SOCS6: variants seen among roughly 807,000 people sequenced by gnomAD.
SOCS6 encodes the protein STAT induced STAT inhibitor-4.
In SOCS6, 5 loss-of-function variants were observed where a neutral mutation model predicts 27.7. The ratio of observed to expected loss-of-function variants is 0.18; its 90% CI spans 0.09 to 0.38. The LOEUF is 0.38. SOCS6 is among the 10% of genes least tolerant of loss of function. The pLI is 1.00. For synonymous variants in SOCS6, 271 were observed against 260.0 expected (o/e 1.04, Z -0.41); for missense variants, 595 against 688.1 (o/e 0.86, Z 1.51).
At position 70,324,592 on chromosome 18, in the gene SOCS6, C is replaced by T; in HGVS notation, c.-77C>T. On this transcript the variant is annotated 5_prime_UTR_variant, in exon 2 of 2. Coordinates refer to ENST00000397942, the MANE Select transcript of SOCS6 (RefSeq NM_004232.4). ...AGCAGGAAAAATACATAGATGCAGC[C>T]TTGCAGCCTCTCCAGATGTTTGGGG... The T allele has an allele frequency of 1.0e-6, 1 of 989,890 alleles. No individual in the cohort carries two copies. Among genetic ancestry groups the T allele is most frequent in the Non-Finnish European group, 1.5e-6 (1 of 661,454 alleles). 61.3% of individuals were successfully genotyped at this position (989,890 alleles called of 1,614,324 possible). A position where few individuals can be genotyped will look rare whatever the true frequency, so the allele number is the denominator to read the frequency against.
At chr18:70,321,375 C>T (rs1420201148) in intron 1 of SOCS6, among the ~76,000 whole-genome samples, 1 of 121,092 alleles carries the variant, frequency 8.3e-6, no homozygotes, top group African/African-American at 3.1e-5. Flanking sequence ...GGCTGGAGTG[C>T]AGTGGCGCAA....
In SOCS6 at chr18:70,326,327, A is replaced by C. The variant is rs1184686871; in HGVS notation, c.*51A>C. On this transcript the variant is annotated 3_prime_UTR_variant, in exon 2 of 2. Coordinates refer to ENST00000397942, the MANE Select transcript of SOCS6 (RefSeq NM_004232.4). ...CTTTGGGAATAAGAACAAGAGATTG[A>C]AATACAGTTTACAAACTTTCATTGC... is the stretch of plus-strand genomic sequence containing the variant. The C allele has an allele frequency of 1.4e-6, 2 of 1,445,872 alleles. No homozygotes were observed. The highest frequency in any genetic ancestry group is 1.4e-5 in the African/African-American group (1 of 70,310). The allele number at this position is 1,445,872 out of a possible 1,614,324, so 89.6% of individuals were successfully genotyped here.
At position 70,327,172 on chromosome 18, in the gene SOCS6, T is replaced by G. The variant is rs934485926; in HGVS notation, c.*896T>G. On this transcript the variant is annotated 3_prime_UTR_variant, in exon 2 of 2. Coordinates refer to ENST00000397942, the MANE Select transcript of SOCS6 (RefSeq NM_004232.4). ...TTACCTATCCTTTTGGTAAAATGTT[T>G]TATCTGTGATTTCTTTAGCTTAGTC... The G allele has an allele frequency of 6.0e-6, 1 of 167,010 alleles. No homozygotes were observed. The highest frequency in any genetic ancestry group is 2.4e-5 in the African/African-American group (1 of 41,452). 10.3% of individuals were successfully genotyped at this position (167,010 alleles called of 1,614,324 possible).
chr18:70,301,110 C>T (rs2062346443), intron 1 of SOCS6, among the ~76,000 whole-genome samples: 1 of 152,130 alleles, frequency 6.6e-6, no homozygotes, highest in Admixed American at 6.6e-5. Flanking sequence ...AAGGCAGGCT[C>T]ACCAGTTAGC....
chr18:70,329,940 C>T lies in SOCS6; in HGVS notation c.*3664C>T, dbSNP rs977903345. On this transcript the variant is annotated 3_prime_UTR_variant, in exon 2 of 2. Coordinates refer to ENST00000397942, the MANE Select transcript of SOCS6 (RefSeq NM_004232.4). ...TGTTGGGTGAAAGAAATTTCATAGTCGTTGGAGTGCCATGAAATTAATACT... is the reference window on the plus strand; with the variant it reads ...TGTTGGGTGAAAGAAATTTCATAGTTGTTGGAGTGCCATGAAATTAATACT... 2.4e-5 allele frequency: 4 copies of T among 166,964 alleles called. No individual in the cohort carries two copies. Among genetic ancestry groups the T allele is most frequent in the African/African-American group, 7.2e-5 (3 of 41,424 alleles). 10.3% of individuals were successfully genotyped at this position (166,964 alleles called of 1,614,324 possible).
chr18:70,324,552 C>T lies in SOCS6; in HGVS notation c.-117C>T. ...TATTTTTATTTTTTAGAAAATGGCT[C>T]CAAAGGTTAAATGAAGCAGGAAAAA... On this transcript the variant is annotated 5_prime_UTR_variant, in exon 2 of 2. Coordinates refer to ENST00000397942, the MANE Select transcript of SOCS6 (RefSeq NM_004232.4). 1.5e-6 allele frequency: 1 copy of T among 673,520 alleles called. No individual in the cohort carries two copies. Among genetic ancestry groups the T allele is most frequent in the East Asian group, 2.7e-5 (1 of 37,502 alleles). The allele number at this position is 673,520 out of a possible 1,614,324, so 41.7% of individuals were successfully genotyped here.
intron 1 of SOCS6, among the ~76,000 whole-genome samples, chr18:70,307,737 A>G (rs918381914): frequency 2.0e-5 from 3 of 151,806 alleles, no homozygotes; most frequent in Non-Finnish European, 4.4e-5. Flanking sequence ...TTCTCTCTTA[A>G]TTTCTTTGTC....
intron 1 of SOCS6, among the ~76,000 whole-genome samples, chr18:70,313,683 A>G (rs1600161141): frequency 6.6e-6 from 1 of 152,160 alleles, no homozygotes; most frequent in South Asian, 2.1e-4. Flanking sequence ...GACTCTTCCC[A>G]TATGTCTCTT....
In SOCS6 at chr18:70,326,165, G is replaced by C. The variant is rs1191408777; in HGVS notation, c.1497G>C (p.Ser499=). The C allele has an allele frequency of 8.7e-6, 14 of 1,614,142 alleles. No homozygotes were observed. Among genetic ancestry groups the C allele is most frequent in the Non-Finnish European group, 1.2e-5 (14 of 1,180,022 alleles). ...NPVSRFMQVR[S]LQYLCRFVIR... is the part of the protein sequence containing the mutation. ...TGTCCCGGTTCATGCAGGTGCGCTC[G>C]TTGCAGTACCTGTGTCGTTTTGTTA... Residue 499 remains serine, a synonymous_variant, in exon 2 of 2, where the codon TCG becomes TCC. Transcript: ENST00000397942.
chr18:70,308,780 G>A (rs558397928), intron 1 of SOCS6, among the ~76,000 whole-genome samples: 41 of 152,212 alleles, frequency 2.7e-4, no homozygotes, highest in African/African-American at 9.6e-4. Flanking sequence ...CTGTGTCTTC[G>A]TTATGTATTG....
intron 1 of SOCS6, among the ~76,000 whole-genome samples, chr18:70,316,253 T>A (rs2062410978): frequency 6.6e-6 from 1 of 152,174 alleles, no homozygotes; most frequent in African/African-American, 2.4e-5. Context: ...TTAATTAATT[T>A]TTTTTTGTTT....
chr18:70,326,027 C>G lies in SOCS6; in HGVS notation c.1359C>G (p.Ser453=), dbSNP rs1423557288. 1.9e-6 allele frequency: 3 copies of G among 1,614,078 alleles called. No individual in the cohort carries two copies. In the African/African-American group the frequency reaches 4.0e-5, roughly 22 times the overall value. Residue 453 remains serine (S), a synonymous_variant, in exon 2 of 2, where the codon TCC becomes TCG. Transcript: ENST00000397942. The part of the protein sequence containing the change: ...YEQPDVEGHT[S]IVDLIEHSIR... ...AGCCAGATGTGGAAGGACATACGTC[C>G]ATAGTTGATCTAATTGAGCATTCAA... is the stretch of plus-strand genomic sequence containing the variant.
rs1211288342 is a variant in SOCS6, at chr18:70,329,834, T to C, written c.*3558T>C. ...GTCATAACATGGCGAAGTGTGTAGT[T>C]GCTGTTTCTGAAAAGTGATCCAAAC... On this transcript the variant is annotated 3_prime_UTR_variant, in exon 2 of 2. Transcript: ENST00000397942. 6.0e-6 allele frequency: 1 copy of C among 167,098 alleles called. No homozygotes were observed. The highest frequency in any genetic ancestry group is 1.5e-5 in the Non-Finnish European group (1 of 68,114). 10.4% of individuals were successfully genotyped at this position (167,098 alleles called of 1,614,324 possible).
At chr18:70,302,282 A>C (rs985529910) in intron 1 of SOCS6, among the ~76,000 whole-genome samples, 1 of 152,064 alleles carries the variant, frequency 6.6e-6, no homozygotes, top group African/African-American at 2.4e-5. Flanking sequence ...TTGGTGAAAT[A>C]GGAAGTTGGG....
chr18:70,320,991 A>C (rs1381524043), intron 1 of SOCS6, among the ~76,000 whole-genome samples: 1 of 152,188 alleles, frequency 6.6e-6, no homozygotes, highest in East Asian at 1.9e-4. Context: ...TAAATATAAA[A>C]TTAGGCTGGG....
At chr18:70,295,218 T>C (rs1343995733) in intron 1 of SOCS6, among the ~76,000 whole-genome samples, 1 of 152,230 alleles carries the variant, frequency 6.6e-6, no homozygotes, top group East Asian at 1.9e-4. Flanking sequence ...ATGGCTCCTA[T>C]TAGATAAGAT....
intron 1 of SOCS6, among the ~76,000 whole-genome samples, chr18:70,324,280 C>T (rs370075465): frequency 1.4e-5 from 2 of 139,762 alleles, no homozygotes; most frequent in East Asian, 1.9e-4. Context: ...CCAGCCTGGG[C>T]GAAAGAGTGA....
chr18:70,325,936 G>T lies in SOCS6; in HGVS notation c.1268G>T (p.Arg423Leu). Residue 423 changes from arginine to leucine, a missense_variant, in exon 2 of 2, where the codon CGC (arginine) becomes CTC (leucine). Transcript: ENST00000397942. This position sits in a 1 kb window ranked among gnomAD's most constrained non-coding sequence, Gnocchi z 6.3. ...CGTTACCTTTTAAGCTTGAGCTTTCGCTCCCATGGTAAAACACTTCACACT... is the reference window on the plus strand; with the variant it reads ...CGTTACCTTTTAAGCTTGAGCTTTCTCTCCCATGGTAAAACACTTCACACT... ...DDRYLLSLSF[R>L]SHGKTLHTRI... The T allele has an allele frequency of 6.2e-7, 1 of 1,614,182 alleles. No homozygotes were observed. The highest frequency in any genetic ancestry group is 8.5e-7 in the Non-Finnish European group (1 of 1,180,030).
intron 1 of SOCS6, among the ~76,000 whole-genome samples, chr18:70,307,084 G>C (rs1260663150): frequency 6.6e-6 from 1 of 152,098 alleles, no homozygotes; most frequent in Non-Finnish European, 1.5e-5. Context: ...GCAACATAGG[G>C]AGACCCCAGC....
Sources: allele counts gnomAD v4.1 joint callset (sites outside exome capture counted in the v4.1 genomes callset), GRCh38; gene constraint gnomAD v4.1.1; non-coding constraint Gnocchi (gnomAD v3.1); transcripts MANE v1.5; gene names NCBI Gene and HGNC (gene_info 2026-07-23, HGNC 2026-07-21).